DBT: variants seen among roughly 807,000 people sequenced by gnomAD.
The protein encoded by DBT is lipoamide acyltransferase component of branched-chain alpha-keto acid dehydrogenase complex, mitochondrial.
DBT carries 40 observed loss-of-function variants against 51.3 expected under a neutral mutation model. The ratio of observed to expected loss-of-function variants is 0.78; its 90% CI spans 0.61 to 1.02. The LOEUF is 1.02. Among genes scored for constraint, DBT ranks in the 50% least tolerant of loss-of-function variants. DBT has a pLI of 0.00. For missense variants in DBT, 510 were observed against 580.2 expected (o/e 0.88, Z 1.24); for synonymous variants, 181 against 190.4 (o/e 0.95, Z 0.41).
At chr1:100,213,200 G>T in intron 7 of DBT, 1 of 544,584 alleles carries the variant, frequency 1.8e-6, no homozygotes, top group Non-Finnish European at 2.8e-6. Flanking sequence ...AAGAGATAAT[G>T]GGCCCTGCCC....
intron 10 of DBT, among the ~76,000 whole-genome samples, chr1:100,201,141 A>C (rs960912559): frequency 2.0e-5 from 3 of 152,184 alleles, no homozygotes; most frequent in Admixed American, 2.0e-4. Context: ...AATGCAAGGA[A>C]GCTAGGAACC....
chr1:100,218,071 A>G (rs6577156), intron 5 of DBT, among the ~76,000 whole-genome samples: 114,575 of 152,084 alleles, frequency 0.75, 45,761 homozygotes, highest in East Asian at 0.95. Flanking sequence ...CATTCAGTCA[A>G]TGACTGGCAG....
chr1:100,220,965 C>T lies in DBT; in HGVS notation c.434-2218G>A, dbSNP rs891801648. The stretch of plus-strand genomic sequence containing the variant: ...TTAGCATGTGGAACCAAGATCCAAA[C>T]GAAAATCAGGGGATTCAATGGTAGG... On this transcript the variant is annotated intron_variant, in intron 4 of 10. Transcript: ENST00000370132. Among the ~76,000 whole-genome samples the T allele has an allele frequency of 7.2e-5, 11 of 152,224 alleles. No individual in the cohort carries two copies. The East Asian group carries it at 1.3e-3, about 19-fold the overall frequency.
At chr1:100,202,898 C>T (rs1296757433) in intron 10 of DBT, among the ~76,000 whole-genome samples, 3 of 152,152 alleles carry the variant, frequency 2.0e-5, no homozygotes, top group Non-Finnish European at 1.5e-5. Flanking sequence ...AAAGACACAA[C>T]GTACCAGAAT....
At chr1:100,231,762 A>G (rs1188579482) in intron 3 of DBT, among the ~76,000 whole-genome samples, 1 of 152,212 alleles carries the variant, frequency 6.6e-6, no homozygotes, top group African/African-American at 2.4e-5. Context: ...AGTTGTTAAA[A>G]ATCAATTTTT....
At chr1:100,220,776 A>G (rs1334375555) in intron 4 of DBT, among the ~76,000 whole-genome samples, 1 of 152,342 alleles carries the variant, frequency 6.6e-6, no homozygotes, top group East Asian at 1.9e-4. Context: ...GGCTGACTCA[A>G]TCTGTGCTGT....
In DBT at chr1:100,214,848, A is replaced by G; in HGVS notation, c.908T>C (p.Ile303Thr). The change falls in exon 7 of 11, where the codon ATT becomes ACT. Residue 303 changes from isoleucine (I) to threonine (T), a missense_variant. By Grantham distance (89) the Ile-to-Thr change is moderately conservative. Transcript: ENST00000370132. ...ELKPIAFARG[I>T]KLSFMPFFLK... ...GAAGAAAGGCATAAAGGAGAGTTTAATTCCACGAGCAAATGCAATGGGTTT... is the reference window on the plus strand; with the variant it reads ...GAAGAAAGGCATAAAGGAGAGTTTAGTTCCACGAGCAAATGCAATGGGTTT... 6.2e-7 allele frequency: 1 copy of G among 1,614,208 alleles called. No individual in the cohort carries two copies. The highest frequency in any genetic ancestry group is 1.1e-5 in the South Asian group (1 of 91,082).
At chr1:100,235,217 A>G (rs1357001764) in intron 3 of DBT, among the ~76,000 whole-genome samples, 1 of 152,152 alleles carries the variant, frequency 6.6e-6, no homozygotes, top group Non-Finnish European at 1.5e-5. Context: ...AAATCACACT[A>G]AATAAAGTAC....
Position 100,230,726 on chromosome 1 carries a change from A to G in DBT, c.433+7T>C. 1 of 1,588,272 alleles carries G rather than the reference A, an allele frequency of 6.3e-7. No homozygotes were observed. The highest frequency in any genetic ancestry group is 8.6e-7 in the Non-Finnish European group (1 of 1,158,878). On this transcript the variant is annotated splice_region_variant and intron_variant, in intron 4 of 10. Coordinates refer to ENST00000370132, the MANE Select transcript of DBT (RefSeq NM_001918.5). ...TTTGGTAAAATAGATTAACAGACTTACAATACCTTTTAAAGCTTCCGTTTC... is the reference window on the plus strand; with the variant it reads ...TTTGGTAAAATAGATTAACAGACTTGCAATACCTTTTAAAGCTTCCGTTTC...
At chr1:100,201,403 T>C (rs2100770749) in intron 10 of DBT, among the ~76,000 whole-genome samples, 1 of 151,900 alleles carries the variant, frequency 6.6e-6, no homozygotes, top group South Asian at 2.1e-4. Flanking sequence ...TGAGACTATG[T>C]GAAAAAGACC....
At chr1:100,221,117 T>C (rs547264173) in intron 4 of DBT, among the ~76,000 whole-genome samples, 1 of 152,322 alleles carries the variant, frequency 6.6e-6, no homozygotes, top group South Asian at 2.1e-4. Flanking sequence ...AAGTAATTTA[T>C]TGCTACCTAC....
chr1:100,200,580 G>C (rs1661378274), intron 10 of DBT, among the ~76,000 whole-genome samples: 1 of 152,244 alleles, frequency 6.6e-6, no homozygotes, highest in South Asian at 2.1e-4. Context: ...GCCTCCTCAA[G>C]TGGGTCTCTG....
At chr1:100,238,522 G>A (rs1034326108) in intron 2 of DBT, among the ~76,000 whole-genome samples, 3 of 147,726 alleles carry the variant, frequency 2.0e-5, no homozygotes, top group African/African-American at 7.5e-5. Flanking sequence ...CTTAGACATG[G>A]CCTAACTCTG....
chr1:100,202,146 G>A (rs1344876611), intron 10 of DBT, among the ~76,000 whole-genome samples: 1 of 152,186 alleles, frequency 6.6e-6, no homozygotes, highest in South Asian at 2.1e-4. Flanking sequence ...TCAATGTGCT[G>A]TATTCAGGAG....
At chr1:100,204,216 C>T (rs1570804117) in intron 10 of DBT, among the ~76,000 whole-genome samples, 2 of 152,162 alleles carry the variant, frequency 1.3e-5, no homozygotes, top group East Asian at 3.8e-4. Context: ...ATCGGCTCAG[C>T]CCAAAATCTC....
intron 1 of DBT, among the ~76,000 whole-genome samples, chr1:100,247,368 T>C (rs1664602770): frequency 6.6e-6 from 1 of 152,178 alleles, no homozygotes; most frequent in Non-Finnish European, 1.5e-5. Flanking sequence ...GGAAAAATCA[T>C]GACTAGATTT....
At chr1:100,233,885 A>G (rs1300327598) in intron 3 of DBT, among the ~76,000 whole-genome samples, 1 of 152,384 alleles carries the variant, frequency 6.6e-6, no homozygotes, top group African/African-American at 2.4e-5. Flanking sequence ...CCTTCAGATA[A>G]GGAAGAGGAA....
At chr1:100,207,870 C>T (rs543110520) in intron 8 of DBT, among the ~76,000 whole-genome samples, 3 of 151,966 alleles carry the variant, frequency 2.0e-5, no homozygotes, top group South Asian at 4.2e-4. Context: ...CAGTGGCTCA[C>T]GCCTGTAATC....
chr1:100,196,147 G>T lies in DBT; in HGVS notation c.*108C>A. The T allele has an allele frequency of 1.0e-6, 1 of 993,946 alleles. No individual in the cohort carries two copies. The highest frequency in any genetic ancestry group is 1.6e-6 in the Non-Finnish European group (1 of 631,696). The allele number at this position is 993,946 out of a possible 1,614,324, so 61.6% of individuals were successfully genotyped here. On this transcript the variant is annotated 3_prime_UTR_variant, in exon 11 of 11. Transcript: ENST00000370132. ...TTGTGCCTTAGATCCTTAATCATACGATACAAATCATTTACAATATAAATT... is the reference window on the plus strand; with the variant it reads ...TTGTGCCTTAGATCCTTAATCATACTATACAAATCATTTACAATATAAATT...
Sources: allele counts gnomAD v4.1 joint callset (sites outside exome capture counted in the v4.1 genomes callset), GRCh38; gene constraint gnomAD v4.1.1; transcripts MANE v1.5; gene names NCBI Gene and HGNC (gene_info 2026-07-23, HGNC 2026-07-21).